AGBL1: variants seen among roughly 807,000 people sequenced by gnomAD.
AGBL1 encodes the protein AGBL carboxypeptidase 1.
In AGBL1, 130 loss-of-function variants were observed where a neutral mutation model predicts 118.9. The observed-to-expected ratio is 1.09, with a 90% CI of 0.95 to 1.26. The LOEUF (loss-of-function observed/expected upper bound fraction) is 1.26, where lower values mean the gene tolerates loss of function less well. Ranked by LOEUF, AGBL1 falls within the 50% of genes most tolerant of loss-of-function variation. The pLI is 0.00. For synonymous variants in AGBL1, 555 were observed against 478.9 expected (o/e 1.16, Z -2.08); for missense variants, 1,584 against 1,298.1 (o/e 1.22, Z -3.38).
intron 18 of AGBL1, among the ~76,000 whole-genome samples, chr15:86,439,495 A>AT (rs569293640): frequency 5.9e-5 from 9 of 152,132 alleles, no homozygotes; most frequent in Non-Finnish European, 1.3e-4. Flanking sequence ...AACAATGTTC[A>AT]TTTTTTTATT....
intron 21 of AGBL1, among the ~76,000 whole-genome samples, chr15:86,583,695 A>T (rs1318776550): frequency 6.6e-6 from 1 of 151,994 alleles, no homozygotes; most frequent in Admixed American, 6.6e-5. Flanking sequence ...TTTTCTTTTG[A>T]GTATGTACCC....
intron 22 of AGBL1, among the ~76,000 whole-genome samples, chr15:86,790,467 G>C (rs1212876080): frequency 1.3e-5 from 2 of 152,026 alleles, no homozygotes; most frequent in Admixed American, 1.3e-4. Context: ...AGGTGTTTGA[G>C]CTTCCTCAGA....
At chr15:86,651,224 A>G (rs113507281) in intron 21 of AGBL1, among the ~76,000 whole-genome samples, 1,718 of 152,248 alleles carry the variant, frequency 0.011, 36 homozygotes, top group African/African-American at 0.039. Context: ...ATTTTTAACC[A>G]GTGTTATTCC....
chr15:86,423,345 T>A (rs967598543), intron 18 of AGBL1, among the ~76,000 whole-genome samples: 2 of 152,168 alleles, frequency 1.3e-5, no homozygotes, highest in Non-Finnish European at 2.9e-5. Context: ...TCTCAGTAGA[T>A]GCAGAAAAAG....
At chr15:86,160,995 T>C (rs895024852) in intron 5 of AGBL1, among the ~76,000 whole-genome samples, 3 of 152,174 alleles carry the variant, frequency 2.0e-5, no homozygotes, top group African/African-American at 7.2e-5. Context: ...AGACTCACAC[T>C]AGTTGCCATT....
intron 15 of AGBL1, among the ~76,000 whole-genome samples, chr15:86,279,399 G>A (rs1440461533): frequency 1.3e-5 from 2 of 152,156 alleles, no homozygotes; most frequent in Non-Finnish European, 2.9e-5. Context: ...AGCATATACG[G>A]CACAATTGGG....
intron 24 of AGBL1, among the ~76,000 whole-genome samples, chr15:86,997,208 T>TCTAA (rs2081388076): frequency 6.6e-6 from 1 of 152,126 alleles, no homozygotes; most frequent in African/African-American, 2.4e-5. Context: ...CACTCTAGAG[T>TCTAA]CTAACTGTGC....
intron 17 of AGBL1, among the ~76,000 whole-genome samples, chr15:86,382,568 G>A (rs767514001): frequency 5.3e-5 from 8 of 152,076 alleles, no homozygotes; most frequent in Non-Finnish European, 1.2e-4. Flanking sequence ...CCCAGCAACT[G>A]GAAATCTGAA....
At chr15:86,429,547 A>T (rs2081909869) in intron 18 of AGBL1, among the ~76,000 whole-genome samples, 1 of 152,222 alleles carries the variant, frequency 6.6e-6, no homozygotes, top group Admixed American at 6.5e-5. Context: ...GGCAACAGGC[A>T]AGTGTTGCAC....
intron 22 of AGBL1, among the ~76,000 whole-genome samples, chr15:86,747,935 A>C (rs898515722): frequency 5.3e-5 from 8 of 152,208 alleles, no homozygotes; most frequent in Non-Finnish European, 1.0e-4. Flanking sequence ...GCCACAATAA[A>C]CATACGTGTG....
intron 18 of AGBL1, among the ~76,000 whole-genome samples, chr15:86,503,087 A>G (rs1293288982): frequency 1.3e-5 from 2 of 151,520 alleles, no homozygotes; most frequent in Non-Finnish European, 3.0e-5. Flanking sequence ...TTGATTTGTG[A>G]GAGCTTTGTT....
At chr15:86,647,761 CAT>C (rs1265501549) in intron 21 of AGBL1, among the ~76,000 whole-genome samples, 1 of 151,966 alleles carries the variant, frequency 6.6e-6, no homozygotes, top group Non-Finnish European at 1.5e-5. Context: ...ATGCATGAAT[CAT>C]ATAGATTACT....
At chr15:86,699,142 T>C (rs2086313154) in intron 22 of AGBL1, among the ~76,000 whole-genome samples, 1 of 151,984 alleles carries the variant, frequency 6.6e-6, no homozygotes, top group Non-Finnish European at 1.5e-5. Context: ...CTTTAAATAA[T>C]TTCAACCTCA....
chr15:87,010,885 C>T (rs2081552659), intron 24 of AGBL1, among the ~76,000 whole-genome samples: 2 of 152,190 alleles, frequency 1.3e-5, no homozygotes, highest in Non-Finnish European at 2.9e-5. Flanking sequence ...TATCTATCCA[C>T]CCATCATATT....
At chr15:86,765,585 C>A (rs80196157) in intron 22 of AGBL1, among the ~76,000 whole-genome samples, 7 of 151,868 alleles carry the variant, frequency 4.6e-5, no homozygotes, top group Non-Finnish European at 8.8e-5. Flanking sequence ...ACAGCATTTA[C>A]GATTCCCTGG....
chr15:86,699,580 T>A (rs1347305990), intron 22 of AGBL1, among the ~76,000 whole-genome samples: 1 of 147,334 alleles, frequency 6.8e-6, no homozygotes, highest in Non-Finnish European at 1.5e-5. Flanking sequence ...AAGATTTTAG[T>A]CAGTTATTTT....
intron 20 of AGBL1, among the ~76,000 whole-genome samples, chr15:86,550,119 G>A (rs1234053451): frequency 6.6e-6 from 1 of 151,772 alleles, no homozygotes; most frequent in East Asian, 1.9e-4. Context: ...ATAGCATAAA[G>A]CATATCAACC....
chr15:86,097,973 G>A (rs191957822), intron 1 of AGBL1, among the ~76,000 whole-genome samples: 3 of 152,130 alleles, frequency 2.0e-5, no homozygotes, highest in Admixed American at 1.3e-4. Flanking sequence ...ATCCTCACTA[G>A]CATCTGATAG....
At chr15:86,324,583 T>C (rs1214139391) in intron 17 of AGBL1, among the ~76,000 whole-genome samples, 1 of 152,178 alleles carries the variant, frequency 6.6e-6, no homozygotes, top group Non-Finnish European at 1.5e-5. Flanking sequence ...GACTAAAATA[T>C]TTATAGAGAG....
Sources: allele counts gnomAD v4.1 joint callset (sites outside exome capture counted in the v4.1 genomes callset), GRCh38; gene constraint gnomAD v4.1.1; transcripts MANE v1.5; gene names NCBI Gene and HGNC (gene_info 2026-07-23, HGNC 2026-07-21).